Variants in RETREG1 observed in about 807,000 individuals in gnomAD.
The protein encoded by RETREG1 is family with sequence similarity 134 member B.
A neutral mutation model predicts 54.8 loss-of-function variants in RETREG1; 44 were observed. That is an observed-to-expected ratio of 0.80 (90% CI 0.63 to 1.03). The LOEUF is 1.03. RETREG1 is among the 50% of genes least tolerant of loss of function. The pLI is 0.00. For missense variants in RETREG1, 554 were observed against 605.1 expected (o/e 0.92, Z 0.89); for synonymous variants, 217 against 238.5 (o/e 0.91, Z 0.83).
At chr5:16,535,398 G>A (rs1741032787) in intron 3 of RETREG1, among the ~76,000 whole-genome samples, 1 of 151,768 alleles carries the variant, frequency 6.6e-6, no homozygotes, top group African/African-American at 2.4e-5. Flanking sequence ...AGTAGGAGCT[G>A]GAGTACTGCA....
rs778584308 is a variant in RETREG1, at chr5:16,597,801, C to T, written c.320+18851G>A. Among the ~76,000 whole-genome samples, 5 of 152,098 alleles carry T rather than the reference C, an allele frequency of 3.3e-5. No homozygotes were observed. Among genetic ancestry groups the T allele is most frequent in the Non-Finnish European group, 7.3e-5 (5 of 68,028 alleles). Reference sequence around the variant, plus strand: ...GTGCCAGGGGTTGTTTGTAATGGCCCGTCAGTTCTCCAGGCCTGAAAGAGG... The same window carrying T: ...GTGCCAGGGGTTGTTTGTAATGGCCTGTCAGTTCTCCAGGCCTGAAAGAGG... On this transcript the variant is annotated intron_variant, in intron 1 of 8. Transcript: ENST00000306320. This position sits in a 1 kb window ranked among gnomAD's most constrained non-coding sequence, Gnocchi z 4.3.
chr5:16,575,679 A>G (rs1024701977), intron 1 of RETREG1, among the ~76,000 whole-genome samples: 4 of 152,260 alleles, frequency 2.6e-5, no homozygotes, highest in African/African-American at 9.6e-5. Flanking sequence ...CCCAGTTGGC[A>G]TATTGGCCAA....
In RETREG1 at chr5:16,616,796, T is replaced by G; in HGVS notation, c.176A>C (p.Glu59Ala). 6.5e-7 allele frequency: 1 copy of G among 1,526,890 alleles called. No homozygotes were observed. The highest frequency in any genetic ancestry group is 8.7e-7 in the Non-Finnish European group (1 of 1,143,586). The allele number at this position is 1,526,890 out of a possible 1,614,324, so 94.6% of individuals were successfully genotyped here. A position where few individuals can be genotyped will look rare whatever the true frequency, so the allele number is the denominator to read the frequency against. The change falls in exon 1 of 9, where the codon GAG (glutamate) becomes GCG (alanine). Residue 59 changes from glutamate to alanine, a missense_variant. Glu to Ala is a moderately radical substitution (Grantham distance 107). Transcript: ENST00000306320. Reference protein sequence around the residue: ...AAEGAGLQVEEAAGRAAAAVT... With the variant: ...AAEGAGLQVEAAAGRAAAAVT... ...CGCGGCCGCCGCCCGGCCCGCGGCC[T>G]CCTCCACCTGCAACCCCGCGCCCTC...
intron 3 of RETREG1, among the ~76,000 whole-genome samples, chr5:16,558,408 C>T (rs1741770629): frequency 6.6e-6 from 1 of 152,178 alleles, no homozygotes; most frequent in Admixed American, 6.5e-5. Flanking sequence ...TCTCAGCCTT[C>T]AGAACTATAA....
chr5:16,499,769 G>T (rs1016484878), intron 3 of RETREG1, among the ~76,000 whole-genome samples: 2 of 152,220 alleles, frequency 1.3e-5, no homozygotes, highest in Admixed American at 1.3e-4. Context: ...GCATGTTGGG[G>T]ACATAGCAAC....
rs759050645 is a variant in RETREG1, at chr5:16,616,950, C to G, written c.22G>C (p.Glu8Gln). The change falls in exon 1 of 9, where the codon GAG becomes CAG. Residue 8 changes from glutamate (E) to glutamine (Q), a missense_variant. This residue lies in a region of RETREG1 where 175 missense variants were observed against 142.1 expected (regional missense o/e 1.23). Transcript: ENST00000306320. ...GCCGGGCATCCCTCCTCGGCGTGCT[C>G]CGGAGGCGCCGGGCTCGCCATCTTC... MASPAPPEHAEEGCPAPA... is the reference protein window; with the variant it reads MASPAPPQHAEEGCPAPA... 1.6e-4 allele frequency: 229 copies of G among 1,444,730 alleles called. 1 individual carries two copies. In the African/African-American group the frequency reaches 2.5e-3, roughly 16 times the overall value. 89.5% of individuals were successfully genotyped at this position (1,444,730 alleles called of 1,614,324 possible). A position where few individuals can be genotyped will look rare whatever the true frequency, so the allele number is the denominator to read the frequency against.
chr5:16,519,192 G>A (rs1199688859), intron 3 of RETREG1, among the ~76,000 whole-genome samples: 5 of 152,142 alleles, frequency 3.3e-5, no homozygotes, highest in African/African-American at 1.2e-4. Flanking sequence ...CCTCTCTCTC[G>A]CTGCGTGGTG....
chr5:16,477,428 CA>C (rs1738582121), intron 8 of RETREG1, among the ~76,000 whole-genome samples: 1 of 152,160 alleles, frequency 6.6e-6, no homozygotes, highest in Non-Finnish European at 1.5e-5. Flanking sequence ...TTATTCTAGG[CA>C]TTTCATATAA....
chr5:16,505,402 A>G lies in RETREG1; in HGVS notation c.459-21930T>C, dbSNP rs1739910129. Reference sequence around the variant, plus strand: ...CCTATTATCTGAAATACTCTTGCTTACTTTTTTTTCACCTTGGGGTCTGTC... The same window carrying G: ...CCTATTATCTGAAATACTCTTGCTTGCTTTTTTTTCACCTTGGGGTCTGTC... On this transcript the variant is annotated intron_variant, in intron 3 of 8. Transcript: ENST00000306320. Among the ~76,000 whole-genome samples, 5 of 152,142 alleles carry G rather than the reference A, an allele frequency of 3.3e-5. No individual in the cohort carries two copies. In the South Asian group the frequency reaches 6.2e-4, roughly 19 times the overall value.
At chr5:16,573,908 C>A (rs1742260744) in intron 1 of RETREG1, among the ~76,000 whole-genome samples, 1 of 152,044 alleles carries the variant, frequency 6.6e-6, no homozygotes, top group African/African-American at 2.4e-5. Context: ...CCACGCCCAG[C>A]TAATTTATTT....
intron 1 of RETREG1, among the ~76,000 whole-genome samples, chr5:16,610,890 GCCATC>G (rs1249382525): frequency 1.3e-5 from 2 of 152,074 alleles, no homozygotes; most frequent in Non-Finnish European, 2.9e-5. Flanking sequence ...ATTTGACCCA[GCCATC>G]CCATTACTGG....
intron 1 of RETREG1, among the ~76,000 whole-genome samples, chr5:16,607,727 T>C (rs1328975706): frequency 6.6e-6 from 1 of 152,148 alleles, no homozygotes; most frequent in Non-Finnish European, 1.5e-5. Flanking sequence ...ATTGCTTATT[T>C]CATGTCATCC....
intron 1 of RETREG1, among the ~76,000 whole-genome samples, chr5:16,607,784 C>A (rs559458567): frequency 5.3e-5 from 8 of 152,174 alleles, no homozygotes; most frequent in Admixed American, 4.6e-4. Context: ...AACCTGGCCC[C>A]ACCCTTTGAA....
intron 3 of RETREG1, among the ~76,000 whole-genome samples, chr5:16,507,967 T>C (rs1178846735): frequency 6.6e-6 from 1 of 152,232 alleles, no homozygotes; most frequent in Non-Finnish European, 1.5e-5. Context: ...TGGGCACAAT[T>C]ATGCTCATAT....
At chr5:16,569,475 GA>G (rs1742113129) in intron 2 of RETREG1, among the ~76,000 whole-genome samples, 1 of 152,104 alleles carries the variant, frequency 6.6e-6, no homozygotes, top group South Asian at 2.1e-4. Context: ...CCTCAGCACA[GA>G]AAGGGGCTCA....
chr5:16,573,226 C>T lies in RETREG1; in HGVS notation c.321-1124G>A, dbSNP rs946866608. On this transcript the variant is annotated intron_variant, in intron 1 of 8. Coordinates refer to ENST00000306320, the MANE Select transcript of RETREG1 (RefSeq NM_001034850.3). Reference sequence around the variant, plus strand: ...AAAAAAAAAGCAGTTATTGAAGATCCACTTTGCTAACTCTTTCGCTTTAAG... The same window carrying T: ...AAAAAAAAAGCAGTTATTGAAGATCTACTTTGCTAACTCTTTCGCTTTAAG... Among the ~76,000 whole-genome samples the T allele has an allele frequency of 9.0e-5, 13 of 143,938 alleles. No homozygotes were observed. In the South Asian group the frequency reaches 1.8e-3, roughly 20 times the overall value. 94.4% of individuals were successfully genotyped at this position (143,938 alleles called of 152,430 possible).
chr5:16,507,929 A>T (rs1303312406), intron 3 of RETREG1, among the ~76,000 whole-genome samples: 1 of 152,236 alleles, frequency 6.6e-6, no homozygotes, highest in African/African-American at 2.4e-5. Flanking sequence ...TGTTCACAGC[A>T]ATGGGGCTAA....
At chr5:16,613,003 T>C (rs971750144) in intron 1 of RETREG1, among the ~76,000 whole-genome samples, 1 of 152,240 alleles carries the variant, frequency 6.6e-6, no homozygotes, top group Non-Finnish European at 1.5e-5. Flanking sequence ...GCTAAAGCTG[T>C]ATTTTCATTG....
intron 3 of RETREG1, among the ~76,000 whole-genome samples, chr5:16,546,173 C>CT (rs929652606): frequency 7.9e-4 from 119 of 150,684 alleles, no homozygotes; most frequent in African/African-American, 2.2e-3. Flanking sequence ...AATTTTATAT[C>CT]TTTTTTTTTT....
Sources: allele counts gnomAD v4.1 joint callset (sites outside exome capture counted in the v4.1 genomes callset), GRCh38; gene constraint gnomAD v4.1.1; regional missense constraint gnomAD v4.1.1; non-coding constraint Gnocchi (gnomAD v3.1); transcripts MANE v1.5; gene names NCBI Gene and HGNC (gene_info 2026-07-23, HGNC 2026-07-21).